FNIP2: variants seen among roughly 807,000 people sequenced by gnomAD.
FNIP2 encodes folliculin-interacting protein 2.
Under a neutral mutation model 108.7 loss-of-function variants are expected in FNIP2, and 32 were observed. That is an observed-to-expected ratio of 0.29 (90% CI 0.22 to 0.40). The LOEUF (loss-of-function observed/expected upper bound fraction) is 0.40. FNIP2 is among the 10% of genes least tolerant of loss of function. The probability of loss-of-function intolerance (pLI) is 1.00; values close to 1 mark genes in which losing one functional copy is unlikely to be tolerated. For synonymous variants in FNIP2, 480 were observed against 496.7 expected, an observed-to-expected ratio of 0.97 and a Z score of 0.45; for missense variants, 1,202 against 1,381.6, an observed-to-expected ratio of 0.87 and a Z score of 2.06.
At chr4:158,789,025 C>T (rs1420174884) in intron 1 of FNIP2, among the ~76,000 whole-genome samples, 5 of 152,166 alleles carry the variant, frequency 3.3e-5, no homozygotes, top group African/African-American at 1.2e-4. Flanking sequence ...GGGGCTGTGA[C>T]CTGGTTAGGT....
At position 158,821,492 on chromosome 4, in the gene FNIP2, A is replaced by G. The variant is rs141163589; in HGVS notation, c.108-4424A>G. Among the ~76,000 whole-genome samples, 1,132 of 152,364 alleles carry G rather than the reference A, an allele frequency of 7.4e-3. 11 individuals are homozygous for G. Among genetic ancestry groups the G allele is most frequent in the Middle Eastern group, 0.024 (7 of 294 alleles). On this transcript the variant is annotated intron_variant, in intron 1 of 16. Transcript: ENST00000264433. Reference sequence around the variant, plus strand: ...TGGTCAGTGCTCTTGGAAGCTCCACAGTAACTGTTGGTTGAATGTAGAAGT... The same window carrying G: ...TGGTCAGTGCTCTTGGAAGCTCCACGGTAACTGTTGGTTGAATGTAGAAGT...
intron 14 of FNIP2, among the ~76,000 whole-genome samples, chr4:158,876,938 C>T (rs1455295881): frequency 1.3e-5 from 2 of 152,182 alleles, no homozygotes; most frequent in Non-Finnish European, 2.9e-5. Flanking sequence ...GTCTCTTGGG[C>T]TTCATGTCTC....
At chr4:158,881,409 TCTCCCTCTCCCTCTCTTTCCAC>T (rs1398799016) in intron 14 of FNIP2, among the ~76,000 whole-genome samples, 74 of 22,280 alleles carry the variant, frequency 3.3e-3, no homozygotes, top group Non-Finnish European at 5.5e-3. Context: ...CTTTCCACGG[TCTCCCTCTCCCTCTCTTTCCAC>T]GGTCTCCCTC....
At chr4:158,775,097 G>A (rs993211211) in intron 1 of FNIP2, among the ~76,000 whole-genome samples, 3 of 152,186 alleles carry the variant, frequency 2.0e-5, no homozygotes, top group Non-Finnish European at 4.4e-5. Flanking sequence ...CCTTGGAAAA[G>A]GAAGCTGTAA....
intron 1 of FNIP2, among the ~76,000 whole-genome samples, chr4:158,793,768 C>T (rs930666838): frequency 3.0e-4 from 45 of 152,284 alleles, no homozygotes; most frequent in Middle Eastern, 3.4e-3. Context: ...ACTGACAATT[C>T]TGGACACTCA....
rs1729668467 is a variant in FNIP2 at position 158,904,636 on chromosome 4, TGAG to T, written c.*93_*95del. On this transcript the variant is annotated 3_prime_UTR_variant, in exon 17 of 17. Coordinates refer to ENST00000264433, the MANE Select transcript of FNIP2 (RefSeq NM_020840.3). ...TAAGCTCTCTGTGATGTCAAAAGCA[TGAG>T]AAGAGCAAACAGAAACAGTCATTCC... 1 of 1,122,982 alleles carries T rather than the reference TGAG, an allele frequency of 8.9e-7. No individual in the cohort carries two copies. The allele number at this position is 1,122,982 out of a possible 1,614,324, so 69.6% of individuals were successfully genotyped here. A position where few individuals can be genotyped will look rare whatever the true frequency, so the allele number is the denominator to read the frequency against.
intron 1 of FNIP2, among the ~76,000 whole-genome samples, chr4:158,806,712 A>G (rs932827231): frequency 6.6e-6 from 1 of 152,192 alleles, no homozygotes; most frequent in Non-Finnish European, 1.5e-5. Flanking sequence ...TCTTTGTCCC[A>G]TGAAGCTTGG....
intron 1 of FNIP2, among the ~76,000 whole-genome samples, chr4:158,819,206 A>G (rs1207242587): frequency 6.6e-6 from 1 of 152,266 alleles, no homozygotes; most frequent in Non-Finnish European, 1.5e-5. Context: ...GAATGAACTC[A>G]GAAGTATGGT....
chr4:158,797,663 C>T (rs892553118), intron 1 of FNIP2, among the ~76,000 whole-genome samples: 1 of 152,200 alleles, frequency 6.6e-6, no homozygotes, highest in African/African-American at 2.4e-5. Context: ...CTTGCCACTG[C>T]ACTCTAGCCT....
chr4:158,801,582 A>G (rs1296725488), intron 1 of FNIP2, among the ~76,000 whole-genome samples: 2 of 152,026 alleles, frequency 1.3e-5, no homozygotes, highest in Admixed American at 1.3e-4. Flanking sequence ...CAGTTCCTTA[A>G]CCTTCCTGTG....
At chr4:158,869,560 G>T (rs1017193850) in intron 13 of FNIP2, 132 bp downstream of exon 13, 2 of 1,265,590 alleles carry the variant, frequency 1.6e-6, no homozygotes, top group Non-Finnish European at 2.1e-6. Context: ...CAAAGTACTA[G>T]AAGTATTATT....
intron 1 of FNIP2, among the ~76,000 whole-genome samples, chr4:158,782,880 C>T (rs1190688164): frequency 1.3e-5 from 2 of 152,146 alleles, no homozygotes; most frequent in African/African-American, 2.4e-5. Flanking sequence ...CCAAGGGAAG[C>T]GCACAACCTC....
At position 158,868,543 on chromosome 4, in the gene FNIP2, CAGCAT is replaced by C; in HGVS notation, c.1908_1912del (p.Ala637ArgfsTer14). 1 of 1,613,728 alleles carries C rather than the reference CAGCAT, an allele frequency of 6.2e-7. No homozygotes were observed. The highest frequency in any genetic ancestry group is 8.5e-7 in the Non-Finnish European group (1 of 1,179,752). ...GCTTGCAGCGCAGGGTGCCTGGGGC[CAGCAT>C]CAGACGCTTCCTGGAAACCTCAGAA... On this transcript the variant is annotated frameshift_variant, in exon 13 of 17. Coordinates refer to ENST00000264433, the MANE Select transcript of FNIP2 (RefSeq NM_020840.3). LOFTEE classifies it high-confidence loss of function. The surrounding 1 kb of genome is among the most constrained non-coding windows in gnomAD (Gnocchi z 4.6).
rs1182953254 is a variant in FNIP2, at chr4:158,906,961, AAAAAG to A, written c.*2426_*2430del. 6.6e-6 allele frequency: 1 copy of A among 152,218 alleles called. No homozygotes were observed. 9.4% of individuals were successfully genotyped at this position (152,218 alleles called of 1,614,324 possible). ...AAAAAACATAAAACAATTTTTTTTAAAAAAGAAAAGAAATCTACCTCAGTTGACAG... is the reference window on the plus strand; with the variant it reads ...AAAAAACATAAAACAATTTTTTTTAAAAAAGAAATCTACCTCAGTTGACAG... On this transcript the variant is annotated 3_prime_UTR_variant, in exon 17 of 17. Transcript: ENST00000264433.
intron 14 of FNIP2, among the ~76,000 whole-genome samples, chr4:158,883,443 G>C (rs181443383): frequency 6.6e-6 from 1 of 152,012 alleles, no homozygotes; most frequent in Non-Finnish European, 1.5e-5. Context: ...GGGTTTCACC[G>C]TGTTAGCCAG....
At chr4:158,801,181 A>G (rs1776749848) in intron 1 of FNIP2, among the ~76,000 whole-genome samples, 3 of 151,904 alleles carry the variant, frequency 2.0e-5, no homozygotes, top group Non-Finnish European at 4.4e-5. Flanking sequence ...TGGAGGGCAG[A>G]GCAGAATCCT....
In FNIP2 at chr4:158,852,834, G is replaced by GT. The variant is rs553226479; in HGVS notation, c.857+1391dup. On this transcript the variant is annotated intron_variant, in intron 8 of 16. Transcript: ENST00000264433. ...CTTTCAACATTTCTTTTCTGAAAAT[G>GT]TTTTTTTATCCCTTCAGGTTTAAAT... is the stretch of plus-strand genomic sequence containing the variant. Among the ~76,000 whole-genome samples the GT allele has an allele frequency of 3.7e-3, 561 of 152,156 alleles. 5 individuals carry two copies. The highest frequency in any genetic ancestry group is 0.013 in the African/African-American group (524 of 41,516).
intron 1 of FNIP2, among the ~76,000 whole-genome samples, chr4:158,770,839 T>G (rs1032086460): frequency 3.3e-5 from 5 of 152,214 alleles, no homozygotes; most frequent in Non-Finnish European, 7.3e-5. Context: ...GTCTGTACTT[T>G]GACAGCTCTT....
rs1782268925 is a variant in FNIP2 at position 158,891,375 on chromosome 4, T to G, written c.2950-71T>G. 5 of 1,354,446 alleles carry G rather than the reference T, an allele frequency of 3.7e-6. No individual in the cohort carries two copies. In the East Asian group the frequency reaches 7.5e-5, roughly 20 times the overall value. 83.9% of individuals were successfully genotyped at this position (1,354,446 alleles called of 1,614,324 possible). A position where few individuals can be genotyped will look rare whatever the true frequency, so the allele number is the denominator to read the frequency against. On this transcript the variant is annotated intron_variant, in intron 14 of 16. Transcript: ENST00000264433. ...AGAATTTTACATTTAAATGTATTTATCAGTAGTGAAACTTTGACCTTTTGG... is the reference window on the plus strand; with the variant it reads ...AGAATTTTACATTTAAATGTATTTAGCAGTAGTGAAACTTTGACCTTTTGG...
Sources: gnomAD v4.1 joint callset for allele counts (sites outside exome capture counted in the v4.1 genomes callset) on GRCh38, gnomAD v4.1.1 for gene constraint, Gnocchi (gnomAD v3.1) non-coding constraint, MANE v1.5 for transcripts, NCBI Gene and HGNC (gene_info 2026-07-23, HGNC 2026-07-21) for gene names.